The following ZNF628 variants were observed in gnomAD, a reference collection of about 807,000 sequenced individuals.
ZNF628 encodes the protein zinc finger protein Zec.
A neutral mutation model predicts 2.5 loss-of-function variants in ZNF628; 3 were observed. The ratio of observed to expected loss-of-function variants is 1.19; its 90% CI spans 0.54 to 3.07. The LOEUF is 3.07. ZNF628 is among the 30% of genes most tolerant of loss of function. The pLI, the probability that ZNF628 is intolerant of heterozygous loss-of-function variation, is 0.03. For missense variants in ZNF628, 1,610 were observed against 1,517.1 expected, an observed-to-expected ratio of 1.06 and a Z score of -1.02; for synonymous variants, 861 against 717.1, an observed-to-expected ratio of 1.20 and a Z score of -3.21.
At position 55,484,078 on chromosome 19, in the gene ZNF628, C is replaced by T. The variant is rs1323881559; in HGVS notation, c.2885C>T (p.Thr962Met). ...QEVETLPPGLTEPPATGPPGQ... is the reference protein window; with the variant it reads ...QEVETLPPGLMEPPATGPPGQ... Reference sequence around the variant, plus strand: ...GTAGAAACACTTCCTCCTGGGCTGACGGAGCCGCCTGCCACCGGCCCACCC... The same window carrying T: ...GTAGAAACACTTCCTCCTGGGCTGATGGAGCCGCCTGCCACCGGCCCACCC... Residue 962 changes from threonine to methionine, a missense_variant, in exon 3 of 3, where the codon ACG becomes ATG. This residue lies in a region of ZNF628 where 712 missense variants were observed against 603.6 expected (regional missense o/e 1.18). Coordinates refer to ENST00000598519, the MANE Select transcript of ZNF628 (RefSeq NM_033113.3). 3.1e-6 allele frequency: 5 copies of T among 1,592,420 alleles called. No homozygotes were observed. The highest frequency in any genetic ancestry group is 1.3e-5 in the African/African-American group (1 of 74,218).
chr19:55,477,139 C>T lies in ZNF628; in HGVS notation c.-78+332C>T, dbSNP rs552690655. 2.6e-5 allele frequency among the ~76,000 whole-genome samples: 4 copies of T among 152,322 alleles called. No homozygotes were observed. The South Asian group carries it at 6.2e-4, about 24-fold the overall frequency. ...TGAGTCCTGGTTGCTTCAAAGCGAT[C>T]CCTGGTTTAGCTCAACAAAAGTGGA... is the stretch of plus-strand genomic sequence containing the variant. On this transcript the variant is annotated intron_variant, in intron 1 of 2. Transcript: ENST00000598519.
chr19:55,482,469 G>C lies in ZNF628; in HGVS notation c.1276G>C (p.Val426Leu). Residue 426 changes from valine to leucine, a missense_variant, in exon 3 of 3, where the codon GTG becomes CTG. Val to Leu is a conservative substitution (Grantham distance 32, BLOSUM62 1). Coordinates refer to ENST00000598519, the MANE Select transcript of ZNF628 (RefSeq NM_033113.3). Reference protein sequence around the residue: ...RPPPQAEAAEVTCPQEPLAPA... With the variant: ...RPPPQAEAAELTCPQEPLAPA... ...GCCCCCGCAGGCTGAGGCTGCGGAG[G>C]TGACCTGCCCCCAGGAACCGCTGGC... The C allele has an allele frequency of 7.0e-7, 1 of 1,424,360 alleles. No homozygotes were observed. The highest frequency in any genetic ancestry group is 9.1e-7 in the Non-Finnish European group (1 of 1,096,092). 88.2% of individuals were successfully genotyped at this position (1,424,360 alleles called of 1,614,324 possible).
Position 55,483,048 on chromosome 19 carries a change from G to C in ZNF628, c.1855G>C (p.Glu619Gln). 1 of 1,611,426 alleles carries C rather than the reference G, an allele frequency of 6.2e-7. No individual in the cohort carries two copies. Among genetic ancestry groups the C allele is most frequent in the Non-Finnish European group, 8.5e-7 (1 of 1,179,480 alleles). Residue 619 changes from glutamate to glutamine, a missense_variant, in exon 3 of 3, where the codon GAG becomes CAG. This residue lies in a region of ZNF628 where 712 missense variants were observed against 603.6 expected (regional missense o/e 1.18). Coordinates refer to ENST00000598519, the MANE Select transcript of ZNF628 (RefSeq NM_033113.3). ...LLLHQRTHSA[E>Q]RPFTCPICGR... The stretch of plus-strand genomic sequence containing the variant: ...GCTGCACCAGCGCACGCACTCGGCG[G>C]AGCGCCCCTTCACCTGCCCCATCTG...
chr19:55,483,824 C>T lies in ZNF628; in HGVS notation c.2631C>T (p.Ser877=), dbSNP rs111718040. Residue 877 remains serine (S), a synonymous_variant, in exon 3 of 3, where the codon TCC becomes TCT. Transcript: ENST00000598519. ...LQPVAGQLSN[S]SGGAVATEAP... ...CCGTGGCCGGCCAGCTCTCCAATTCCAGTGGGGGAGCTGTGGCTACTGAGG... is the reference window on the plus strand; with the variant it reads ...CCGTGGCCGGCCAGCTCTCCAATTCTAGTGGGGGAGCTGTGGCTACTGAGG... The T allele has an allele frequency of 5.8e-5, 94 of 1,613,592 alleles. 1 individual carries two copies. In the African/African-American group the frequency reaches 8.0e-4, roughly 14 times the overall value.
chr19:55,477,312 C>T (rs1423655071), intron 1 of ZNF628, among the ~76,000 whole-genome samples: 1 of 151,166 alleles, frequency 6.6e-6, no homozygotes, highest in Non-Finnish European at 1.5e-5. Flanking sequence ...GATGCTGGGG[C>T]TTCTCAAAGG....
Position 55,483,808 on chromosome 19 carries a change from G to T in ZNF628, c.2615G>T (p.Gly872Val). The part of the protein sequence containing the change: ...VTTVQLQPVA[G>V]QLSNSSGGAV... ...ACGGTCCAGCTCCAGCCCGTGGCCG[G>T]CCAGCTCTCCAATTCCAGTGGGGGA... Residue 872 changes from glycine (G) to valine (V), a missense_variant, in exon 3 of 3, where the codon GGC becomes GTC. Physicochemically the swap from Gly to Val is moderately radical, Grantham distance 109. Coordinates refer to ENST00000598519, the MANE Select transcript of ZNF628 (RefSeq NM_033113.3). The T allele has an allele frequency of 1.2e-6, 2 of 1,613,694 alleles. No individual in the cohort carries two copies. The highest frequency in any genetic ancestry group is 1.7e-6 in the Non-Finnish European group (2 of 1,179,810).
In ZNF628 at chr19:55,482,489, G is replaced by C; in HGVS notation, c.1296G>C (p.Pro432=). 6.9e-7 allele frequency: 1 copy of C among 1,444,922 alleles called. No homozygotes were observed. Among genetic ancestry groups the C allele is most frequent in the East Asian group, 2.6e-5 (1 of 38,978 alleles). 89.5% of individuals were successfully genotyped at this position (1,444,922 alleles called of 1,614,324 possible). ...EAAEVTCPQE[P]LAPAAPVPPP... ...CGGAGGTGACCTGCCCCCAGGAACC[G>C]CTGGCGCCTGCCGCCCCCGTCCCGC... Residue 432 remains proline, a synonymous_variant, in exon 3 of 3, where the codon CCG becomes CCC. Coordinates refer to ENST00000598519, the MANE Select transcript of ZNF628 (RefSeq NM_033113.3).
chr19:55,480,249 C>CTTT (rs35704154), intron 2 of ZNF628, among the ~76,000 whole-genome samples: 22,916 of 128,114 alleles, frequency 0.18, 2,869 homozygotes, highest in Non-Finnish European at 0.23. Flanking sequence ...TTTTTTTTTC[C>CTTT]TTTTTTTTTT....
Position 55,482,048 on chromosome 19 carries a change from G to T in ZNF628, c.855G>T (p.Ala285=). 3 of 1,490,414 alleles carry T rather than the reference G, an allele frequency of 2.0e-6. No homozygotes were observed. The highest frequency in any genetic ancestry group is 1.8e-6 in the Non-Finnish European group (2 of 1,122,972). The allele number at this position is 1,490,414 out of a possible 1,614,324, so 92.3% of individuals were successfully genotyped here. A position where few individuals can be genotyped will look rare whatever the true frequency, so the allele number is the denominator to read the frequency against. ...CCGTGGTGCCTGAGCTCTTTTTGGC[G>T]GCGGCGGAGACCACGGTGGAGCTGG... The part of the protein sequence containing the change: ...PPPVVPELFL[A]AAETTVELVY... The change falls in exon 3 of 3, where the codon GCG becomes GCT. Residue 285 remains alanine, a synonymous_variant. Coordinates refer to ENST00000598519, the MANE Select transcript of ZNF628 (RefSeq NM_033113.3).
chr19:55,482,253 C>A lies in ZNF628; in HGVS notation c.1060C>A (p.Pro354Thr), dbSNP rs768446749. 1 of 1,454,094 alleles carries A rather than the reference C, an allele frequency of 6.9e-7. No homozygotes were observed. Among genetic ancestry groups the A allele is most frequent in the South Asian group, 1.3e-5 (1 of 75,504 alleles). The allele number at this position is 1,454,094 out of a possible 1,614,324, so 90.1% of individuals were successfully genotyped here. A position where few individuals can be genotyped will look rare whatever the true frequency, so the allele number is the denominator to read the frequency against. ...QPPPPAAAPA[P>T]GFACLPCGKS... ...CCCTCCTCCCGCCGCCGCCCCCGCG[C>A]CTGGCTTTGCCTGTCTGCCCTGCGG... The change falls in exon 3 of 3, where the codon CCT becomes ACT. Residue 354 changes from proline to threonine, a missense_variant. Physicochemically the swap from Pro to Thr is conservative, Grantham distance 38. This residue lies in a region of ZNF628 where 651 missense variants were observed against 575.6 expected (regional missense o/e 1.13). Coordinates refer to ENST00000598519, the MANE Select transcript of ZNF628 (RefSeq NM_033113.3).
rs1162698995 is a variant in ZNF628 at position 55,482,976 on chromosome 19, C to T, written c.1783C>T (p.Arg595Cys). Residue 595 changes from arginine to cysteine, a missense_variant, in exon 3 of 3, where the codon CGC becomes TGC. Physicochemically the swap from Arg to Cys is radical, Grantham distance 180. Around this residue, in one of 5 missense-constraint regions of ZNF628, gnomAD observed 21 missense variants for 49.8 expected, o/e 0.42. Coordinates refer to ENST00000598519, the MANE Select transcript of ZNF628 (RefSeq NM_033113.3). ...QRVHTGERPF[R>C]CPLCPKTFTH... is the part of the protein sequence containing the mutation. ...CGTGCACACGGGCGAGCGGCCCTTC[C>T]GCTGCCCGCTCTGCCCCAAGACCTT... is the stretch of plus-strand genomic sequence containing the variant. 2 of 1,611,066 alleles carry T rather than the reference C, an allele frequency of 1.2e-6. No homozygotes were observed. Among genetic ancestry groups the T allele is most frequent in the Admixed American group, 1.7e-5 (1 of 59,926 alleles).
rs1599899595 is a variant in ZNF628 at position 55,482,138 on chromosome 19, G to A, written c.945G>A (p.Pro315=). The part of the protein sequence containing the change: ...SSEELLLEHQ[P]CPGPDAAPQP... ...AGGAGCTGCTCCTGGAGCACCAGCC[G>A]TGCCCCGGGCCCGATGCGGCGCCCC... is the stretch of plus-strand genomic sequence containing the variant. Residue 315 remains proline, a synonymous_variant, in exon 3 of 3, where the codon CCG becomes CCA. Transcript: ENST00000598519. 10 of 1,503,568 alleles carry A rather than the reference G, an allele frequency of 6.7e-6. No individual in the cohort carries two copies. The highest frequency in any genetic ancestry group is 2.7e-5 in the East Asian group (1 of 36,460). 93.1% of individuals were successfully genotyped at this position (1,503,568 alleles called of 1,614,324 possible).
rs776733178 is a variant in ZNF628 at position 55,483,164 on chromosome 19, C to G, written c.1971C>G (p.Ala657=). ...CGCCTCCCAGCACCACAGCCCCTGC[C>G]GCCGGCCCCCAGCCCCCTGCTCCAC... ...ANTPPSTTAP[A]AGPQPPAPLA... The change falls in exon 3 of 3, where the codon GCC becomes GCG. Residue 657 remains alanine, a synonymous_variant. Coordinates refer to ENST00000598519, the MANE Select transcript of ZNF628 (RefSeq NM_033113.3). The G allele has an allele frequency of 1.3e-6, 2 of 1,553,850 alleles. No individual in the cohort carries two copies. The highest frequency in any genetic ancestry group is 1.7e-6 in the Non-Finnish European group (2 of 1,157,222).
intron 1 of ZNF628, among the ~76,000 whole-genome samples, chr19:55,477,781 C>A (rs1055573402): frequency 6.6e-6 from 1 of 151,664 alleles, no homozygotes; most frequent in African/African-American, 2.4e-5. Context: ...ACAAAAAAAA[C>A]ACACAAGTTC....
At chr19:55,477,085 C>T (rs980355520) in intron 1 of ZNF628, among the ~76,000 whole-genome samples, 1 of 152,192 alleles carries the variant, frequency 6.6e-6, no homozygotes, top group African/African-American at 2.4e-5. Flanking sequence ...GGCCAGTGAC[C>T]GTTTCCCAGA....
chr19:55,483,081 G>C lies in ZNF628; in HGVS notation c.1888G>C (p.Gly630Arg). ...RPFTCPICGR[G>R]FVMAAYLQRH... Reference sequence around the variant, plus strand: ...CTTCACCTGCCCCATCTGCGGTCGCGGCTTCGTTATGGCCGCCTATCTGCA... The same window carrying C: ...CTTCACCTGCCCCATCTGCGGTCGCCGCTTCGTTATGGCCGCCTATCTGCA... Residue 630 changes from glycine to arginine, a missense_variant, in exon 3 of 3, where the codon GGC (glycine) becomes CGC (arginine). Physicochemically the swap from Gly to Arg is moderately radical, Grantham distance 125. Around this residue, in one of 5 missense-constraint regions of ZNF628, gnomAD observed 712 missense variants for 603.6 expected, o/e 1.18. Coordinates refer to ENST00000598519, the MANE Select transcript of ZNF628 (RefSeq NM_033113.3). The C allele has an allele frequency of 6.2e-7, 1 of 1,608,698 alleles. No individual in the cohort carries two copies. The highest frequency in any genetic ancestry group is 8.5e-7 in the Non-Finnish European group (1 of 1,179,318).
Position 55,482,677 on chromosome 19 carries a change from C to T in ZNF628, c.1484C>T (p.Ser495Phe), listed in dbSNP as rs375962619. Residue 495 changes from serine to phenylalanine, a missense_variant, in exon 3 of 3, where the codon TCC (serine) becomes TTC (phenylalanine). Physicochemically the swap from Ser to Phe is radical, Grantham distance 155. Around this residue, in one of 5 missense-constraint regions of ZNF628, gnomAD observed 651 missense variants for 575.6 expected, o/e 1.13. Coordinates refer to ENST00000598519, the MANE Select transcript of ZNF628 (RefSeq NM_033113.3). The stretch of plus-strand genomic sequence containing the variant: ...TGCGGCAAGGCCTTCAAGCGCTCCT[C>T]CCTGCTGGCCATCCACCAGCGGGTG... ...GECGKAFKRS[S>F]LLAIHQRVHT... 5 of 1,612,522 alleles carry T rather than the reference C, an allele frequency of 3.1e-6. No individual in the cohort carries two copies. Among genetic ancestry groups the T allele is most frequent in the African/African-American group, 2.7e-5 (2 of 74,902 alleles).
At position 55,483,636 on chromosome 19, in the gene ZNF628, A is replaced by G; in HGVS notation, c.2443A>G (p.Met815Val). Residue 815 changes from methionine (M) to valine (V), a missense_variant, in exon 3 of 3, where the codon ATG becomes GTG. Met to Val is a conservative substitution (Grantham distance 21, BLOSUM62 1). Around this residue, in one of 5 missense-constraint regions of ZNF628, gnomAD observed 712 missense variants for 603.6 expected, o/e 1.18. Coordinates refer to ENST00000598519, the MANE Select transcript of ZNF628 (RefSeq NM_033113.3). ...GGGTGGGGAGGCAGGGCCACAGGAA[A>G]TGAGTGGGGTGCAGCTCCAGCCCCT... The part of the protein sequence containing the change: ...VGGGEAGPQE[M>V]SGVQLQPLRP... The G allele has an allele frequency of 6.2e-7, 1 of 1,613,498 alleles. No individual in the cohort carries two copies. The highest frequency in any genetic ancestry group is 8.5e-7 in the Non-Finnish European group (1 of 1,179,810).
chr19:55,476,725 C>T lies in ZNF628; in HGVS notation c.-160C>T, dbSNP rs1986552590. The T allele has an allele frequency of 6.6e-6, 1 of 151,428 alleles. No homozygotes were observed. The highest frequency in any genetic ancestry group is 2.1e-4 in the South Asian group (1 of 4,772). 9.4% of individuals were successfully genotyped at this position (151,428 alleles called of 1,614,324 possible). On this transcript the variant is annotated 5_prime_UTR_variant, in exon 1 of 3. Coordinates refer to ENST00000598519, the MANE Select transcript of ZNF628 (RefSeq NM_033113.3). Reference sequence around the variant, plus strand: ...TCCCCGGTCCCCACAGCTGCACCGCCGCTGCCGGGGCCCCACCTTCCCGTC... The same window carrying T: ...TCCCCGGTCCCCACAGCTGCACCGCTGCTGCCGGGGCCCCACCTTCCCGTC...
Sources: gnomAD v4.1 joint callset for allele counts (sites outside exome capture counted in the v4.1 genomes callset) on GRCh38, gnomAD v4.1.1 for gene constraint, gnomAD v4.1.1 regional missense constraint, MANE v1.5 for transcripts, NCBI Gene and HGNC (gene_info 2026-07-23, HGNC 2026-07-21) for gene names.